The following MEIOC variants were observed in gnomAD, a reference collection of about 807,000 sequenced individuals.
MEIOC encodes the protein meiosis specific with coiled-coil domain.
In MEIOC, 9 loss-of-function variants were observed where a neutral mutation model predicts 85.3. The observed-to-expected ratio is 0.11, with a 90% confidence interval of 0.06 to 0.18. MEIOC has a LOEUF of 0.18. Ranked by LOEUF, MEIOC falls within the 10% of genes least tolerant of loss-of-function variation. The probability of loss-of-function intolerance (pLI) is 1.00; values close to 1 mark genes in which losing one functional copy is unlikely to be tolerated. For missense variants in MEIOC, 898 were observed against 1,129.4 expected (o/e 0.80, Z 2.94); for synonymous variants, 365 against 393.7 (o/e 0.93, Z 0.86).
Position 44,674,771 on chromosome 17 carries a change from A to G in MEIOC, c.*575A>G. The G allele has an allele frequency of 1.0e-6, 1 of 980,824 alleles. No homozygotes were observed. Among genetic ancestry groups the G allele is most frequent in the East Asian group, 1.1e-4 (1 of 8,808 alleles). The allele number at this position is 980,824 out of a possible 1,614,324, so 60.8% of individuals were successfully genotyped here. ...CCATATTTATAAATTTGGAATCTTA[A>G]TGCCTAGGTATATGGAGGGAAATGC... is the stretch of plus-strand genomic sequence containing the variant. On this transcript the variant is annotated 3_prime_UTR_variant, in exon 8 of 8. Transcript: ENST00000409122.
chr17:44,672,226 C>T (rs1272221805), intron 6 of MEIOC, among the ~76,000 whole-genome samples: 2 of 152,168 alleles, frequency 1.3e-5, no homozygotes, highest in Non-Finnish European at 2.9e-5. Context: ...AAATGATCCG[C>T]CCGCCTCGGC....
chr17:44,657,361 G>GAGAAA, intron 2 of MEIOC, 100 bp downstream of exon 2: 4 of 728,486 alleles, frequency 5.5e-6, no homozygotes, highest in Non-Finnish European at 8.3e-6. Flanking sequence ...AGTTAAGGAA[G>GAGAAA]AGAAAACCAG....
rs113545836 is a variant in MEIOC at position 44,666,688 on chromosome 17, A to G, written c.777A>G (p.Thr259=). 17 of 1,612,538 alleles carry G rather than the reference A, an allele frequency of 1.1e-5. No individual in the cohort carries two copies. The South Asian group carries it at 1.9e-4, about 18-fold the overall frequency. ...NIQTNDTAKT[T]FQEYPLIKNC... ...AGACAAATGATACAGCTAAGACAAC[A>G]TTCCAAGAATATCCACTTATCAAAA... Residue 259 remains threonine, a synonymous_variant, in exon 5 of 8, where the codon ACA becomes ACG. Coordinates refer to ENST00000409122, the MANE Select transcript of MEIOC (RefSeq NM_001145080.3).
chr17:44,658,552 T>TG (rs1971800888), intron 2 of MEIOC, among the ~76,000 whole-genome samples: 1 of 151,390 alleles, frequency 6.6e-6, no homozygotes, highest in Non-Finnish European at 1.5e-5. Context: ...CCCAGCACTC[T>TG]GGGGGGCTGA....
intron 3 of MEIOC, 144 bp downstream of exon 3, chr17:44,662,615 C>G: frequency 1.6e-6 from 1 of 630,788 alleles, no homozygotes; most frequent in Non-Finnish European, 2.7e-6. Context: ...AAAGTGTAAA[C>G]TGGGCAGTTA....
chr17:44,666,316 C>A, intron 4 of MEIOC, 60 bp from the exon 5 acceptor site: 1 of 1,375,336 alleles, frequency 7.3e-7, no homozygotes. Context: ...CTCCCTTTTC[C>A]ACTGAAGAAA....
At position 44,662,416 on chromosome 17, in the gene MEIOC, A is replaced by T. The variant is rs1367635070; in HGVS notation, c.304A>T (p.Thr102Ser). 6.5e-7 allele frequency: 1 copy of T among 1,548,846 alleles called. No individual in the cohort carries two copies. Among genetic ancestry groups the T allele is most frequent in the Non-Finnish European group, 8.7e-7 (1 of 1,144,900 alleles). Reference protein sequence around the residue: ...DSSLFCAPWSTYGDDIKQPSN... With the variant: ...DSSLFCAPWSSYGDDIKQPSN... ...TTCACTTTTCTGTGCACCATGGTCT[A>T]CTTATGGAGATGACATTAAACAACC... The change falls in exon 3 of 8, where the codon ACT (threonine) becomes TCT (serine). Residue 102 changes from threonine (T) to serine (S), a missense_variant. Thr to Ser is a moderately conservative substitution (Grantham distance 58). Coordinates refer to ENST00000409122, the MANE Select transcript of MEIOC (RefSeq NM_001145080.3).
chr17:44,665,506 A>G lies in MEIOC; in HGVS notation c.464+18A>G, dbSNP rs1320293380. ...GCTGAAGGGTTAGTATATAATCTAT[A>G]TAGTATATAACAGGCTTTTAAACTA... On this transcript the variant is annotated intron_variant, in intron 4 of 7. Coordinates refer to ENST00000409122, the MANE Select transcript of MEIOC (RefSeq NM_001145080.3). 1 of 1,382,842 alleles carries G rather than the reference A, an allele frequency of 7.2e-7. No individual in the cohort carries two copies. Among genetic ancestry groups the G allele is most frequent in the African/African-American group, 1.4e-5 (1 of 69,478 alleles). The allele number at this position is 1,382,842 out of a possible 1,614,324, so 85.7% of individuals were successfully genotyped here. A position where few individuals can be genotyped will look rare whatever the true frequency, so the allele number is the denominator to read the frequency against.
chr17:44,676,529 T>G (rs576872505), downstream of MEIOC, among the ~76,000 whole-genome samples: 3 of 152,274 alleles, frequency 2.0e-5, no homozygotes, highest in South Asian at 6.2e-4. Context: ...TGTTTAAAAT[T>G]TGCCCTTTGC....
Position 44,667,997 on chromosome 17 carries a change from T to C in MEIOC, c.2086T>C (p.Phe696Leu). ...GTTTCCCCTAAGATCCACCCACCCATTTGGCCATTCAGTTGTTCCACTGTT... is the reference window on the plus strand; with the variant it reads ...GTTTCCCCTAAGATCCACCCACCCACTTGGCCATTCAGTTGTTCCACTGTT... ...NGFPLRSTHP[F>L]GHSVVPLLDS... Residue 696 changes from phenylalanine (F) to leucine (L), a missense_variant, in exon 5 of 8, where the codon TTT becomes CTT. This residue lies in a region of MEIOC where 734 missense variants were observed against 860.1 expected (regional missense o/e 0.85). Transcript: ENST00000409122. 1 of 1,613,780 alleles carries C rather than the reference T, an allele frequency of 6.2e-7. No homozygotes were observed.
intron 3 of MEIOC, among the ~76,000 whole-genome samples, chr17:44,663,379 A>C (rs1568132939): frequency 6.6e-6 from 1 of 152,112 alleles, no homozygotes; most frequent in Non-Finnish European, 1.5e-5. Flanking sequence ...CTTTAATTAT[A>C]TATGGGAGCT....
chr17:44,660,560 A>G (rs1364951257), intron 2 of MEIOC, among the ~76,000 whole-genome samples: 1 of 152,144 alleles, frequency 6.6e-6, no homozygotes, highest in Non-Finnish European at 1.5e-5. Context: ...TTCTGTATTT[A>G]TAAGAAAATA....
intron 2 of MEIOC, among the ~76,000 whole-genome samples, chr17:44,661,281 CTT>C (rs1404389171): frequency 1.2e-5 from 1 of 86,882 alleles, no homozygotes; most frequent in Non-Finnish European, 2.0e-5. Context: ...GAGCCAGACT[CTT>C]GTCTCAAAAA....
chr17:44,664,282 A>T (rs954941289), intron 3 of MEIOC, among the ~76,000 whole-genome samples: 1 of 152,156 alleles, frequency 6.6e-6, no homozygotes, highest in Non-Finnish European at 1.5e-5. Context: ...GAACCGCTTG[A>T]ACCTGGGAGG....
chr17:44,665,202 A>G, intron 3 of MEIOC, 182 bp from the exon 4 acceptor site: 3 of 977,634 alleles, frequency 3.1e-6, no homozygotes, highest in Admixed American at 4.5e-5. Flanking sequence ...TGTGGAAAAG[A>G]CATTTCCACA....
At chr17:44,672,468 C>T (rs1038491517) in intron 6 of MEIOC, among the ~76,000 whole-genome samples, 13 of 151,990 alleles carry the variant, frequency 8.6e-5, no homozygotes, top group Non-Finnish European at 1.5e-4. Context: ...AAACTTAATA[C>T]GAGTTTGAGG....
At chr17:44,663,006 G>T (rs1202129929) in intron 3 of MEIOC, among the ~76,000 whole-genome samples, 2 of 152,094 alleles carry the variant, frequency 1.3e-5, no homozygotes, top group Non-Finnish European at 1.5e-5. Flanking sequence ...AACATTTAGT[G>T]CATAAATCTT....
In MEIOC at chr17:44,667,878, G is replaced by T. The variant is rs763940507; in HGVS notation, c.1967G>T (p.Arg656Leu). 3.7e-6 allele frequency: 6 copies of T among 1,613,776 alleles called. No homozygotes were observed. In the Admixed American group the frequency reaches 5.0e-5, roughly 13 times the overall value. ...SHRTRGGDNS[R>L]VNRTQVSCFS... ...AGAACGAGAGGTGGAGACAATAGCC[G>T]TGTGAATCGCACACAAGTGTCATGC... The change falls in exon 5 of 8, where the codon CGT (arginine) becomes CTT (leucine). Residue 656 changes from arginine to leucine, a missense_variant. Arg to Leu is a moderately radical substitution (Grantham distance 102, BLOSUM62 -2). Around this residue, in one of 2 missense-constraint regions of MEIOC, gnomAD observed 734 missense variants for 860.1 expected, o/e 0.85. Transcript: ENST00000409122.
In MEIOC at chr17:44,666,437, C is replaced by T; in HGVS notation, c.526C>T (p.His176Tyr). Residue 176 changes from histidine (H) to tyrosine (Y), a missense_variant, in exon 5 of 8, where the codon CAT becomes TAT. His to Tyr is a moderately conservative substitution (Grantham distance 83). Transcript: ENST00000409122. ...PMNTSRFADH[H>Y]DLLTETKRPI... ...GAACACAAGCAGATTTGCAGATCAC[C>T]ATGACCTCTTAACAGAAACCAAAAG... 1 of 1,556,190 alleles carries T rather than the reference C, an allele frequency of 6.4e-7. No homozygotes were observed. The highest frequency in any genetic ancestry group is 8.7e-7 in the Non-Finnish European group (1 of 1,148,898).
Sources: gnomAD v4.1 joint callset for allele counts (sites outside exome capture counted in the v4.1 genomes callset) on GRCh38, gnomAD v4.1.1 for gene constraint, gnomAD v4.1.1 regional missense constraint, MANE v1.5 for transcripts, NCBI Gene and HGNC (gene_info 2026-07-23, HGNC 2026-07-21) for gene names.